Variants in TRHDE observed in about 807,000 individuals in gnomAD.
TRHDE encodes the protein thyrotropin releasing hormone degrading enzyme, also known as thyrotropin-releasing hormone-degrading ectoenzyme.
TRHDE carries 72 observed loss-of-function variants against 125.7 expected under a neutral mutation model. The ratio of observed to expected loss-of-function variants is 0.57; its 90% CI spans 0.47 to 0.70. TRHDE has a LOEUF of 0.70. Ranked by LOEUF, TRHDE falls within the 30% of genes least tolerant of loss-of-function variation. The pLI, the probability that TRHDE is intolerant of heterozygous loss-of-function variation, is 0.00. For synonymous variants in TRHDE, 509 were observed against 509.1 expected (o/e 1.00, Z 0.00); for missense variants, 1,110 against 1,327.1 (o/e 0.84, Z 2.54).
chr12:72,232,202 C>G (rs557316930), intron 2 of TRHDE, among the ~76,000 whole-genome samples: 1 of 152,284 alleles, frequency 6.6e-6, no homozygotes, highest in South Asian at 2.1e-4. Context: ...TGATCAAGGG[C>G]AGGCACAGAC....
chr12:72,634,051 C>T (rs1873611905), intron 15 of TRHDE, among the ~76,000 whole-genome samples: 2 of 152,122 alleles, frequency 1.3e-5, no homozygotes, highest in South Asian at 4.1e-4. Flanking sequence ...GAGATAAAGC[C>T]CCTGCCAAAC....
At chr12:72,358,855 G>C (rs1870938702) in intron 2 of TRHDE, among the ~76,000 whole-genome samples, 1 of 151,470 alleles carries the variant, frequency 6.6e-6, no homozygotes, top group South Asian at 2.1e-4. Flanking sequence ...AGAATTTCAT[G>C]CTCATACTTA....
At chr12:72,116,048 T>A (rs1216585108) in intron 2 of TRHDE, among the ~76,000 whole-genome samples, 1 of 152,130 alleles carries the variant, frequency 6.6e-6, no homozygotes, top group Non-Finnish European at 1.5e-5. Flanking sequence ...TGTGTGATGT[T>A]CCCCTTTCTG....
chr12:72,164,333 G>A (rs775666916), intron 2 of TRHDE, among the ~76,000 whole-genome samples: 2 of 152,168 alleles, frequency 1.3e-5, no homozygotes, highest in African/African-American at 2.4e-5. Flanking sequence ...GAGTTACCTC[G>A]ATAGGCGGAA....
At chr12:72,624,839 G>A (rs1350749897) in intron 15 of TRHDE, among the ~76,000 whole-genome samples, 1 of 151,800 alleles carries the variant, frequency 6.6e-6, no homozygotes, top group Non-Finnish European at 1.5e-5. Context: ...GAGACAAATT[G>A]CCAAGCATTT....
chr12:72,158,172 T>G (rs11179093), intron 2 of TRHDE, among the ~76,000 whole-genome samples: 10,516 of 152,042 alleles, frequency 0.069, 604 homozygotes, highest in African/African-American at 0.15. Context: ...GTGAGAAAAT[T>G]GCAAGAGGAT....
In TRHDE at chr12:72,272,391, A is replaced by C. The variant is rs936039152; in HGVS notation, c.-253A>C. 2.5e-6 allele frequency: 1 copy of C among 392,484 alleles called. No homozygotes were observed. The highest frequency in any genetic ancestry group is 5.9e-5 in the East Asian group (1 of 16,846). 24.3% of individuals were successfully genotyped at this position (392,484 alleles called of 1,614,324 possible). ...GTCCGAGAAGTAGCGCGCGCTGGGCAAGCAAGACGCTTTCCAAGTTGGGCG... is the reference window on the plus strand; with the variant it reads ...GTCCGAGAAGTAGCGCGCGCTGGGCCAGCAAGACGCTTTCCAAGTTGGGCG... On this transcript the variant is annotated 5_prime_UTR_variant, in exon 1 of 19. Transcript: ENST00000261180. The surrounding 1 kb of genome is among the most constrained non-coding windows in gnomAD (Gnocchi z 6.7).
rs71071820 is a variant in TRHDE, at chr12:72,238,275, AATATATATATATATATAT to A, written n.279+132553_279+132570del. 1.3e-3 allele frequency among the ~76,000 whole-genome samples: 49 copies of A among 38,234 alleles called. 2 individuals are homozygous for A. The highest frequency in any genetic ancestry group is 3.3e-3 in the South Asian group (4 of 1,218). The allele number at this position is 38,234 out of a possible 152,430, so 25.1% of individuals were successfully genotyped here. On this transcript the variant is annotated intron_variant and non_coding_transcript_variant, in intron 2 of 4. Transcript: ENST00000548156. ...AGTGGTCAGAAGTGGTCAGATCCTTAATATATATATATATATATATATATATATATATATATATATATA... is the reference window on the plus strand; with the variant it reads ...AGTGGTCAGAAGTGGTCAGATCCTTAATATATATATATATATATATATATA...
At chr12:72,573,680 CTCTAAT>C (rs1870852444) in intron 10 of TRHDE, among the ~76,000 whole-genome samples, 2 of 152,004 alleles carry the variant, frequency 1.3e-5, no homozygotes, top group East Asian at 3.9e-4. Context: ...GAATATAGTA[CTCTAAT>C]TCTTTTTCCA....
chr12:72,648,407 G>A (rs1316016614), intron 15 of TRHDE, among the ~76,000 whole-genome samples: 2 of 152,122 alleles, frequency 1.3e-5, no homozygotes, highest in South Asian at 2.1e-4. Flanking sequence ...AGAGAAAATA[G>A]GGATGAAAAA....
intron 2 of TRHDE, among the ~76,000 whole-genome samples, chr12:72,191,556 A>G (rs1053835627): frequency 2.0e-5 from 3 of 152,222 alleles, no homozygotes; most frequent in Non-Finnish European, 2.9e-5. Flanking sequence ...AACTGTTTAC[A>G]TACGAGTAAA....
intron 1 of TRHDE, among the ~76,000 whole-genome samples, chr12:72,099,195 A>G (rs1273207961): frequency 6.6e-6 from 1 of 152,098 alleles, no homozygotes; most frequent in East Asian, 1.9e-4. Context: ...GCTTTAAACC[A>G]TTAAATTTTT....
intron 2 of TRHDE, among the ~76,000 whole-genome samples, chr12:72,194,140 ACTTT>A (rs1877392103): frequency 6.6e-6 from 1 of 152,142 alleles, no homozygotes; most frequent in African/African-American, 2.4e-5. Context: ...GGAGATTAAA[ACTTT>A]CTTTCTCTTT....
intron 9 of TRHDE, among the ~76,000 whole-genome samples, chr12:72,566,367 CTTATAG>C (rs965603237): frequency 6.6e-6 from 1 of 151,146 alleles, no homozygotes; most frequent in Non-Finnish European, 1.5e-5. Flanking sequence ...ATCCCCAAAC[CTTATAG>C]TTATAACTAT....
At chr12:72,125,303 G>C (rs1875687445) in intron 2 of TRHDE, among the ~76,000 whole-genome samples, 1 of 152,042 alleles carries the variant, frequency 6.6e-6, no homozygotes, top group South Asian at 2.1e-4. Flanking sequence ...CTTCCAGGTT[G>C]TTTATATGTA....
At chr12:72,323,404 T>C (rs1445267485) in intron 2 of TRHDE, among the ~76,000 whole-genome samples, 1 of 152,118 alleles carries the variant, frequency 6.6e-6, no homozygotes, top group Non-Finnish European at 1.5e-5. Context: ...ACTTTAGAAC[T>C]GTTGGTAATG....
At chr12:72,523,732 A>G (rs549798987) in intron 6 of TRHDE, among the ~76,000 whole-genome samples, 19 of 152,274 alleles carry the variant, frequency 1.2e-4, no homozygotes, top group Admixed American at 2.6e-4. Context: ...GGCTTGCTGA[A>G]TACACTCTAA....
chr12:72,196,035 A>G (rs1394724814), intron 2 of TRHDE, among the ~76,000 whole-genome samples: 1 of 152,132 alleles, frequency 6.6e-6, no homozygotes, highest in African/African-American at 2.4e-5. Flanking sequence ...AGATGGCTGT[A>G]GGTGTGCAGC....
intron 7 of TRHDE, among the ~76,000 whole-genome samples, chr12:72,547,265 T>C (rs1869463511): frequency 6.6e-6 from 1 of 151,698 alleles, no homozygotes; most frequent in Non-Finnish European, 1.5e-5. Flanking sequence ...GAGAATGTTC[T>C]CAGCTGATTT....
Sources: gnomAD v4.1 joint callset for allele counts (sites outside exome capture counted in the v4.1 genomes callset) on GRCh38, gnomAD v4.1.1 for gene constraint, Gnocchi (gnomAD v3.1) non-coding constraint, MANE v1.5 for transcripts, NCBI Gene and HGNC (gene_info 2026-07-23, HGNC 2026-07-21) for gene names.